The following GTPBP4 variants were observed in gnomAD, a reference collection of about 807,000 sequenced individuals.
The protein encoded by GTPBP4 is GTP binding protein 4.
Under a neutral mutation model 81.7 loss-of-function variants are expected in GTPBP4, and 15 were observed. That is an observed-to-expected ratio of 0.18 (90% CI 0.12 to 0.28). GTPBP4 has a LOEUF of 0.28. Ranked by LOEUF, GTPBP4 falls within the 10% of genes least tolerant of loss-of-function variation. GTPBP4 has a pLI of 1.00. For missense variants in GTPBP4, 847 were observed against 793.8 expected (o/e 1.07, Z -0.81); for synonymous variants, 272 against 274.6 (o/e 0.99, Z 0.09).
intron 14 of GTPBP4, among the ~76,000 whole-genome samples, chr10:1,013,626 A>T (rs1017516853): frequency 7.2e-5 from 11 of 151,764 alleles, no homozygotes; most frequent in South Asian, 2.1e-4. Flanking sequence ...TAAAAAATTT[A>T]AAAAAAAATC....
chr10:997,344 A>G (rs772119778), intron 5 of GTPBP4, 36 bp downstream of exon 5: 1 of 1,108,176 alleles, frequency 9.0e-7, no homozygotes. Context: ...AAATCATCTG[A>G]CTATTTTACG....
chr10:1,009,061 T>C, intron 11 of GTPBP4, 26 bp downstream of exon 11: 1 of 1,528,936 alleles, frequency 6.5e-7, no homozygotes, highest in Non-Finnish European at 9.1e-7. Flanking sequence ...TCTCGCCCAG[T>C]GTTCTCATGG....
At chr10:1,002,315 T>C (rs894380742) in intron 8 of GTPBP4, among the ~76,000 whole-genome samples, 1 of 152,230 alleles carries the variant, frequency 6.6e-6, no homozygotes, top group Non-Finnish European at 1.5e-5. Flanking sequence ...CCAAATATTA[T>C]TGACCCCTTT....
At chr10:1,000,403 A>G (rs1468710967) in intron 6 of GTPBP4, among the ~76,000 whole-genome samples, 2 of 151,402 alleles carry the variant, frequency 1.3e-5, no homozygotes, top group African/African-American at 4.9e-5. Flanking sequence ...ACGCCCAGCT[A>G]ATTTTTTGTA....
chr10:1,007,513 T>C (rs577024025), intron 10 of GTPBP4, among the ~76,000 whole-genome samples: 2 of 152,170 alleles, frequency 1.3e-5, no homozygotes, highest in South Asian at 4.1e-4. Flanking sequence ...GGTGGGAAGA[T>C]TGCTTAAGCC....
At chr10:995,900 T>A in intron 2 of GTPBP4, 29 bp from the exon 3 acceptor site, 2 of 1,331,684 alleles carry the variant, frequency 1.5e-6, no homozygotes, top group Non-Finnish European at 2.2e-6. Context: ...TGGCCCCAAG[T>A]GACCGTGGTG....
chr10:1,010,995 CACCTTCCCCCCCACCCTGTG>C (rs1564470734), intron 13 of GTPBP4, among the ~76,000 whole-genome samples: 10 of 145,708 alleles, frequency 6.9e-5, no homozygotes, highest in South Asian at 6.5e-4. Flanking sequence ...CCTCCTGCAC[CACCTTCCCCCCCACCCTGTG>C]TCTCCGCCAG....
rs554327450 is a variant in GTPBP4 at position 999,338 on chromosome 10, C to G, written c.654+243C>G. The stretch of plus-strand genomic sequence containing the variant: ...GTTTCACCATGTTGGCCAGGCTGGT[C>G]TTGAACTCCTGACTTCAGGTGATCT... On this transcript the variant is annotated intron_variant, in intron 6 of 16. Transcript: ENST00000360803. Among the ~76,000 whole-genome samples the G allele has an allele frequency of 3.3e-5, 5 of 152,242 alleles. No individual in the cohort carries two copies. In the East Asian group the frequency reaches 5.8e-4, roughly 18 times the overall value.
rs932512466 is a variant in GTPBP4, at chr10:1,011,671, A to G, written c.1345-794A>G. 2.6e-5 allele frequency among the ~76,000 whole-genome samples: 4 copies of G among 152,336 alleles called. No individual in the cohort carries two copies. The South Asian group carries it at 8.3e-4, about 32-fold the overall frequency. ...TGGTCTCTGTGCTCCCTGTGCCTCC[A>G]TAGCAGATTCTGGGATAGCAGATTC... On this transcript the variant is annotated intron_variant, in intron 13 of 16. Coordinates refer to ENST00000360803, the MANE Select transcript of GTPBP4 (RefSeq NM_012341.3).
intron 1 of GTPBP4, among the ~76,000 whole-genome samples, chr10:991,994 C>T (rs1278736395): frequency 5.3e-5 from 8 of 150,866 alleles, no homozygotes; most frequent in East Asian, 3.9e-4. Context: ...CGCGCCCGGC[C>T]GGTGTAAAAT....
In GTPBP4 at chr10:1,016,976, C is replaced by T; in HGVS notation, c.1753-99C>T. 8 of 925,852 alleles carry T rather than the reference C, an allele frequency of 8.6e-6. No individual in the cohort carries two copies. In the South Asian group the frequency reaches 1.3e-4, roughly 15 times the overall value. 57.4% of individuals were successfully genotyped at this position (925,852 alleles called of 1,614,324 possible). On this transcript the variant is annotated intron_variant, in intron 16 of 16. Transcript: ENST00000360803. ...TAACAGGGTCTCTTCGCTGAGCAGA[C>T]CTGAGCCATTAAACAGATTGTTACC... is the stretch of plus-strand genomic sequence containing the variant.
At position 1,017,507 on chromosome 10, in the gene GTPBP4, A is replaced by G. The variant is rs2387219; in HGVS notation, c.*280A>G. 1 allele frequency: 307,781 copies of G among 308,724 alleles called. 153,427 individuals are homozygous for G. The highest frequency in any genetic ancestry group is 1 in the East Asian group (18,680 of 18,680). 19.1% of individuals were successfully genotyped at this position (308,724 alleles called of 1,614,324 possible). On this transcript the variant is annotated 3_prime_UTR_variant, in exon 17 of 17. Transcript: ENST00000360803. ...ACTGGGAAGATTTACTGGTTTAACT[A>G]GGTTGTTTTTGATGGAGAAAAACCT...
intron 8 of GTPBP4, among the ~76,000 whole-genome samples, chr10:1,003,701 T>G (rs1275416040): frequency 2.0e-5 from 3 of 152,208 alleles, no homozygotes; most frequent in Admixed American, 2.0e-4. Flanking sequence ...TGGCCTCAGC[T>G]CTGGAAGTTT....
At chr10:1,007,337 C>G (rs553625497) in intron 10 of GTPBP4, 1 of 497,474 alleles carries the variant, frequency 2.0e-6, no homozygotes, top group East Asian at 3.1e-5. Context: ...CACTGCATGA[C>G]GTGGTCACTG....
rs1831612699 is a variant in GTPBP4 at position 1,000,704 on chromosome 10, C to T, written c.682C>T (p.His228Tyr). 1.3e-6 allele frequency: 2 copies of T among 1,545,882 alleles called. No individual in the cohort carries two copies. The part of the protein sequence containing the change: ...QVVDTPGILD[H>Y]PLEDRNTIEM... The stretch of plus-strand genomic sequence containing the variant: ...TGTAGACACTCCTGGGATCCTGGAC[C>T]ACCCTCTGGAGGATAGGAACACCAT... The change falls in exon 7 of 17, where the codon CAC (histidine) becomes TAC (tyrosine). Residue 228 changes from histidine (H) to tyrosine (Y), a missense_variant. By Grantham distance (83) the His-to-Tyr change is moderately conservative (BLOSUM62 2). This residue lies in a region of GTPBP4 where 600 missense variants were observed against 557.1 expected (regional missense o/e 1.08). Coordinates refer to ENST00000360803, the MANE Select transcript of GTPBP4 (RefSeq NM_012341.3).
At chr10:1,016,838 G>T (rs891367876) in intron 16 of GTPBP4, among the ~76,000 whole-genome samples, 2 of 151,818 alleles carry the variant, frequency 1.3e-5, no homozygotes, top group East Asian at 3.9e-4. Flanking sequence ...ATGTAACAGG[G>T]GTAACTGTGC....
chr10:1,011,762 T>A (rs1192450128), intron 13 of GTPBP4, among the ~76,000 whole-genome samples: 1 of 152,250 alleles, frequency 6.6e-6, no homozygotes, highest in African/African-American at 2.4e-5. Context: ...CTGTCACCTC[T>A]GCTGGGGCCC....
intron 1 of GTPBP4, among the ~76,000 whole-genome samples, chr10:989,793 C>T (rs1831409975): frequency 6.6e-6 from 1 of 152,098 alleles, no homozygotes; most frequent in Non-Finnish European, 1.5e-5. Flanking sequence ...CAGGTTGGAG[C>T]GCAGTGGTGT....
intron 15 of GTPBP4, among the ~76,000 whole-genome samples, chr10:1,014,678 A>G (rs965029161): frequency 1.3e-5 from 2 of 151,966 alleles, no homozygotes; most frequent in African/African-American, 4.8e-5. Context: ...AAAGAAAGAA[A>G]CCAGGGTTTT....
Sources: allele counts gnomAD v4.1 joint callset (sites outside exome capture counted in the v4.1 genomes callset), GRCh38; gene constraint gnomAD v4.1.1; regional missense constraint gnomAD v4.1.1; transcripts MANE v1.5; gene names NCBI Gene and HGNC (gene_info 2026-07-23, HGNC 2026-07-21).